Variants in TBC1D4 observed in about 807,000 individuals in gnomAD.
TBC1D4 encodes the protein TBC1 domain family member 4, also known as TBC (Tre-2, BUB2, CDC16) domain-containing protein.
Under a neutral mutation model 142.5 loss-of-function variants are expected in TBC1D4, and 121 were observed. That is an observed-to-expected ratio of 0.85 (90% CI 0.73 to 0.99). The LOEUF is 0.99. Ranked by LOEUF, TBC1D4 falls within the 50% of genes least tolerant of loss-of-function variation. TBC1D4 has a pLI of 0.00. For missense variants in TBC1D4, 1,475 were observed against 1,606.6 expected, an observed-to-expected ratio of 0.92 and a Z score of 1.40; for synonymous variants, 630 against 628.2, an observed-to-expected ratio of 1.00 and a Z score of -0.04.
chr13:75,358,690 T>C (rs574538716), intron 3 of TBC1D4, among the ~76,000 whole-genome samples: 7 of 151,604 alleles, frequency 4.6e-5, no homozygotes, highest in South Asian at 4.2e-4. Flanking sequence ...CTACAAAAAA[T>C]TCAAGAAAAT....
At chr13:75,438,456 A>G (rs941514703) in intron 1 of TBC1D4, among the ~76,000 whole-genome samples, 2 of 152,312 alleles carry the variant, frequency 1.3e-5, no homozygotes, top group African/African-American at 2.4e-5. Flanking sequence ...GAAGAGCTCT[A>G]TCCTAGGTGT....
chr13:75,352,133 A>C (rs1442074654), intron 4 of TBC1D4, among the ~76,000 whole-genome samples: 1 of 152,126 alleles, frequency 6.6e-6, no homozygotes, highest in African/African-American at 2.4e-5. Context: ...ACTTTTCCTC[A>C]TGATTTAAAC....
chr13:75,377,049 G>C (rs933780657), intron 1 of TBC1D4, among the ~76,000 whole-genome samples: 14 of 152,286 alleles, frequency 9.2e-5, no homozygotes, highest in Middle Eastern at 3.4e-3. Flanking sequence ...TTCATAAACA[G>C]TACATATTAG....
chr13:75,340,862 C>T (rs2138074089), intron 7 of TBC1D4, among the ~76,000 whole-genome samples: 3 of 152,306 alleles, frequency 2.0e-5, no homozygotes, highest in Middle Eastern at 6.8e-3. Context: ...AGAAGAATCG[C>T]TTGAACCCGG....
intron 1 of TBC1D4, among the ~76,000 whole-genome samples, chr13:75,434,277 G>A (rs1272808880): frequency 1.3e-5 from 2 of 152,174 alleles, no homozygotes; most frequent in African/African-American, 4.8e-5. Flanking sequence ...ATCAATGACA[G>A]ACTGGATTTT....
chr13:75,409,641 A>T (rs747663373), intron 1 of TBC1D4, among the ~76,000 whole-genome samples: 1 of 152,352 alleles, frequency 6.6e-6, no homozygotes, highest in Non-Finnish European at 1.5e-5. Context: ...CTTCACAGTA[A>T]AATACACGGA....
chr13:75,389,303 A>C (rs1013633340), intron 1 of TBC1D4, among the ~76,000 whole-genome samples: 1 of 152,264 alleles, frequency 6.6e-6, no homozygotes, highest in Non-Finnish European at 1.5e-5. Flanking sequence ...CCTGTAGCCA[A>C]AAATGAATTA....
chr13:75,476,717 G>A (rs955014689), intron 1 of TBC1D4, among the ~76,000 whole-genome samples: 1 of 152,156 alleles, frequency 6.6e-6, no homozygotes, highest in African/African-American at 2.4e-5. Flanking sequence ...ATATCCAGGG[G>A]AACAGAAATG....
chr13:75,341,214 G>T lies in TBC1D4; in HGVS notation c.1522C>A (p.Gln508Lys). Residue 508 changes from glutamine (Q) to lysine (K), a missense_variant, in exon 7 of 21, where the codon CAG becomes AAG. Coordinates refer to ENST00000377636, the MANE Select transcript of TBC1D4 (RefSeq NM_014832.5). ...AAAATCACAAGTTCATTTTCTTCCT[G>T]GTCACTGACTGGCTTCATTTTCTGT... Reference protein sequence around the residue: ...RVQKMKPVSDQEENELVILHL... With the variant: ...RVQKMKPVSDKEENELVILHL... 1 of 1,613,406 alleles carries T rather than the reference G, an allele frequency of 6.2e-7. No individual in the cohort carries two copies. The highest frequency in any genetic ancestry group is 2.2e-5 in the East Asian group (1 of 44,822).
chr13:75,367,543 G>A, intron 1 of TBC1D4, among the ~76,000 whole-genome samples: 2 of 151,588 alleles, frequency 1.3e-5, no homozygotes. Context: ...AAAAAGTTGA[G>A]GAAAAACATT....
At chr13:75,297,387 G>C (rs891234968) in intron 17 of TBC1D4, among the ~76,000 whole-genome samples, 1 of 152,058 alleles carries the variant, frequency 6.6e-6, no homozygotes, top group African/African-American at 2.4e-5. Context: ...TCTAATAATA[G>C]CTACCAAACC....
chr13:75,478,698 G>A (rs1888715072), intron 1 of TBC1D4, among the ~76,000 whole-genome samples: 2 of 152,190 alleles, frequency 1.3e-5, no homozygotes, highest in South Asian at 4.1e-4. Flanking sequence ...CCTTTAACAT[G>A]TCTAGCTGCA....
intron 7 of TBC1D4, among the ~76,000 whole-genome samples, chr13:75,339,347 A>G (rs1489957660): frequency 1.3e-5 from 2 of 152,256 alleles, no homozygotes; most frequent in Non-Finnish European, 2.9e-5. Flanking sequence ...CCATCAGAAG[A>G]ACAGCAGAAT....
intron 1 of TBC1D4, among the ~76,000 whole-genome samples, chr13:75,468,964 C>T (rs540306128): frequency 6.6e-6 from 1 of 152,152 alleles, no homozygotes; most frequent in South Asian, 2.1e-4. Flanking sequence ...TAATTTTAAA[C>T]GAGTTAAGTG....
chr13:75,351,016 C>T (rs960655096), intron 4 of TBC1D4, among the ~76,000 whole-genome samples: 2 of 152,128 alleles, frequency 1.3e-5, no homozygotes, highest in Non-Finnish European at 2.9e-5. Context: ...GATACAACTG[C>T]AACAAAGTTA....
At chr13:75,397,991 C>A (rs1157270229) in intron 1 of TBC1D4, among the ~76,000 whole-genome samples, 2 of 152,172 alleles carry the variant, frequency 1.3e-5, no homozygotes, top group African/African-American at 4.8e-5. Context: ...AAAGTCATGA[C>A]TACCATAAGA....
intron 8 of TBC1D4, among the ~76,000 whole-genome samples, chr13:75,336,230 C>T (rs1305917559): frequency 6.6e-6 from 1 of 151,846 alleles, no homozygotes; most frequent in Non-Finnish European, 1.5e-5. Flanking sequence ...AACCCTGTCT[C>T]TACCAAAAAT....
At chr13:75,291,079 G>A (rs900792418) in intron 19 of TBC1D4, among the ~76,000 whole-genome samples, 6 of 152,164 alleles carry the variant, frequency 3.9e-5, no homozygotes, top group African/African-American at 1.4e-4. Context: ...TCCCTATGAA[G>A]AGTCAAGGAC....
chr13:75,392,630 C>A (rs1386021455), intron 1 of TBC1D4, among the ~76,000 whole-genome samples: 9 of 149,176 alleles, frequency 6.0e-5, no homozygotes, highest in African/African-American at 2.0e-4. Context: ...CCTCGTCCTA[C>A]TTCTTCACCT....
Sources: gnomAD v4.1 joint callset for allele counts (sites outside exome capture counted in the v4.1 genomes callset) on GRCh38, gnomAD v4.1.1 for gene constraint, MANE v1.5 for transcripts, NCBI Gene and HGNC (gene_info 2026-07-23, HGNC 2026-07-21) for gene names.